Variants in ZNF197 observed in about 807,000 individuals in gnomAD.
The protein encoded by ZNF197 is VHL-associated KRAB-A domain-containing protein.
A neutral mutation model predicts 27.4 loss-of-function variants in ZNF197; 14 were observed. The observed-to-expected ratio is 0.51, with a 90% CI of 0.34 to 0.80. The LOEUF is 0.80. Ranked by LOEUF, ZNF197 falls within the 30% of genes least tolerant of loss-of-function variation. ZNF197 has a pLI of 0.02. For synonymous variants in ZNF197, 415 were observed against 420.0 expected, an observed-to-expected ratio of 0.99 and a Z score of 0.15; for missense variants, 1,090 against 1,222.6, an observed-to-expected ratio of 0.89 and a Z score of 1.62.
rs1701965826 is a variant in ZNF197, at chr3:44,631,132, C to T, written c.461C>T (p.Pro154Leu). The change falls in exon 3 of 6, where the codon CCT (proline) becomes CTT (leucine). Residue 154 changes from proline to leucine, a missense_variant. Coordinates refer to ENST00000344387, the MANE Select transcript of ZNF197 (RefSeq NM_006991.5). ...VVSAPGTTLP[P>L]VLPGSHIAAE... ...AGTGCCCCAGGAACAACACTTCCTCCTGTACTTCCTGGCAGCCACATAGCA... is the reference window on the plus strand; with the variant it reads ...AGTGCCCCAGGAACAACACTTCCTCTTGTACTTCCTGGCAGCCACATAGCA... 1 of 1,614,052 alleles carries T rather than the reference C, an allele frequency of 6.2e-7. No homozygotes were observed. The highest frequency in any genetic ancestry group is 1.1e-5 in the South Asian group (1 of 91,084).
rs1333135483 is a variant in ZNF197 at position 44,647,123 on chromosome 3, C to T, written c.*2903C>T. Reference sequence around the variant, plus strand: ...TATGTAAACTACATAAAGAACTTTCCAAATTTAACAGTAATAAGTAAATAC... The same window carrying T: ...TATGTAAACTACATAAAGAACTTTCTAAATTTAACAGTAATAAGTAAATAC... On this transcript the variant is annotated 3_prime_UTR_variant, in exon 6 of 6. Transcript: ENST00000344387. 1 of 151,978 alleles carries T rather than the reference C, an allele frequency of 6.6e-6. No individual in the cohort carries two copies. Among genetic ancestry groups the T allele is most frequent in the African/African-American group, 2.4e-5 (1 of 41,340 alleles). The allele number at this position is 151,978 out of a possible 1,614,324, so 9.4% of individuals were successfully genotyped here.
chr3:44,632,341 T>A (rs1378175749), intron 4 of ZNF197, 132 bp from the exon 5 acceptor site: 3 of 1,472,966 alleles, frequency 2.0e-6, no homozygotes. Flanking sequence ...TTACATGTGA[T>A]CTCCTTATGT....
At position 44,645,689 on chromosome 3, in the gene ZNF197, A is replaced by G. The variant is rs974829458; in HGVS notation, c.*1469A>G. ...ACAGTCATTGTGAATTCTAATCAAT[A>G]TTTCATCATTGCTGTCAAATGATAG... is the stretch of plus-strand genomic sequence containing the variant. On this transcript the variant is annotated 3_prime_UTR_variant, in exon 6 of 6. Transcript: ENST00000344387. The G allele has an allele frequency of 1.5e-5, 15 of 985,298 alleles. No homozygotes were observed. The African/African-American group carries it at 2.3e-4, about 15-fold the overall frequency. The allele number at this position is 985,298 out of a possible 1,614,324, so 61.0% of individuals were successfully genotyped here.
At chr3:44,630,092 C>G (rs1701897441) in intron 2 of ZNF197, among the ~76,000 whole-genome samples, 1 of 152,126 alleles carries the variant, frequency 6.6e-6, no homozygotes, top group Non-Finnish European at 1.5e-5. Context: ...TGGCGAGTGC[C>G]TATAGTCCCA....
rs771701024 is a variant in ZNF197 at position 44,643,862 on chromosome 3, T to A, written c.2732T>A (p.Phe911Tyr). 1 of 1,613,490 alleles carries A rather than the reference T, an allele frequency of 6.2e-7. No individual in the cohort carries two copies. The highest frequency in any genetic ancestry group is 1.7e-5 in the Admixed American group (1 of 59,882). ...AAATGTAATGAGTGTGGAAAAGACT[T>A]TAGTCAGAATAAAAACCTTGTTGTA... ...PYKCNECGKDFSQNKNLVVHQ... is the reference protein window; with the variant it reads ...PYKCNECGKDYSQNKNLVVHQ... The change falls in exon 6 of 6, where the codon TTT (phenylalanine) becomes TAT (tyrosine). Residue 911 changes from phenylalanine to tyrosine, a missense_variant. By Grantham distance (22) the Phe-to-Tyr change is conservative. Transcript: ENST00000344387.
chr3:44,630,941 C>T, intron 2 of ZNF197, 121 bp from the exon 3 acceptor site: 1 of 1,340,722 alleles, frequency 7.5e-7, no homozygotes, highest in Non-Finnish European at 1.1e-6. Flanking sequence ...ATGCTCCATA[C>T]TTGAGGTGGG....
At chr3:44,625,408 C>T (rs1312078287) in intron 1 of ZNF197, among the ~76,000 whole-genome samples, 1 of 152,208 alleles carries the variant, frequency 6.6e-6, no homozygotes, top group Non-Finnish European at 1.5e-5. Context: ...TCTGCTGGCG[C>T]TTTGAGAAGA....
chr3:44,635,369 C>T (rs1702228186), intron 5 of ZNF197, among the ~76,000 whole-genome samples: 1 of 152,008 alleles, frequency 6.6e-6, no homozygotes, highest in Admixed American at 6.6e-5. Flanking sequence ...AGAAATGGTT[C>T]AGAAAGAGGA....
In ZNF197 at chr3:44,643,232, A is replaced by G. The variant is rs755704541; in HGVS notation, c.2102A>G (p.Asn701Ser). 1.9e-6 allele frequency: 3 copies of G among 1,614,062 alleles called. No homozygotes were observed. The highest frequency in any genetic ancestry group is 2.5e-6 in the Non-Finnish European group (3 of 1,180,012). ...RNLIDHERLH[N>S]GEKPYECREC... ...CTCATTGACCATGAGAGACTCCACA[A>G]TGGGGAGAAGCCATATGAATGTCGA... is the stretch of plus-strand genomic sequence containing the variant. Residue 701 changes from asparagine (N) to serine (S), a missense_variant, in exon 6 of 6, where the codon AAT becomes AGT. By Grantham distance (46) the Asn-to-Ser change is conservative (BLOSUM62 1). Coordinates refer to ENST00000344387, the MANE Select transcript of ZNF197 (RefSeq NM_006991.5).
chr3:44,628,670 C>A (rs991313580), intron 1 of ZNF197, among the ~76,000 whole-genome samples: 1 of 152,220 alleles, frequency 6.6e-6, no homozygotes, highest in Non-Finnish European at 1.5e-5. Context: ...ATCAAATTCT[C>A]ATGACAACCC....
rs1289820006 is a variant in ZNF197, at chr3:44,644,896, A to G, written c.*676A>G. ...TTATTAATAAAACTAAAAATTTAATAATAAAAAGTGGACATTGTTTTTTAA... is the reference window on the plus strand; with the variant it reads ...TTATTAATAAAACTAAAAATTTAATGATAAAAAGTGGACATTGTTTTTTAA... On this transcript the variant is annotated 3_prime_UTR_variant, in exon 6 of 6. Coordinates refer to ENST00000344387, the MANE Select transcript of ZNF197 (RefSeq NM_006991.5). The G allele has an allele frequency of 2.0e-6, 2 of 976,518 alleles. No individual in the cohort carries two copies. Among genetic ancestry groups the G allele is most frequent in the Non-Finnish European group, 2.4e-6 (2 of 821,990 alleles). 60.5% of individuals were successfully genotyped at this position (976,518 alleles called of 1,614,324 possible).
In ZNF197 at chr3:44,644,571, G is replaced by A. The variant is rs563473312; in HGVS notation, c.*351G>A. ...GAGAGTCGCTTGAACCTGGGAGGGC[G>A]GAGGTTGCAGTGAGCCAGGATCGCG... On this transcript the variant is annotated 3_prime_UTR_variant, in exon 6 of 6. Transcript: ENST00000344387. 74 of 952,008 alleles carry A rather than the reference G, an allele frequency of 7.8e-5. No individual in the cohort carries two copies. The Admixed American group carries it at 1.6e-3, about 20-fold the overall frequency. The allele number at this position is 952,008 out of a possible 1,614,324, so 59.0% of individuals were successfully genotyped here. A position where few individuals can be genotyped will look rare whatever the true frequency, so the allele number is the denominator to read the frequency against.
Position 44,644,316 on chromosome 3 carries a change from C to G in ZNF197, c.*96C>G. ...CTAAGGAAAAAGTTTATTATTTACTCTTTACTAGACAAATGAGTAGCATAT... is the reference window on the plus strand; with the variant it reads ...CTAAGGAAAAAGTTTATTATTTACTGTTTACTAGACAAATGAGTAGCATAT... On this transcript the variant is annotated 3_prime_UTR_variant, in exon 6 of 6. Coordinates refer to ENST00000344387, the MANE Select transcript of ZNF197 (RefSeq NM_006991.5). 6.8e-7 allele frequency: 1 copy of G among 1,465,972 alleles called. No homozygotes were observed. Among genetic ancestry groups the G allele is most frequent in the South Asian group, 1.5e-5 (1 of 67,186 alleles). 90.8% of individuals were successfully genotyped at this position (1,465,972 alleles called of 1,614,324 possible).
intron 5 of ZNF197, among the ~76,000 whole-genome samples, chr3:44,633,200 G>A (rs1702107169): frequency 1.3e-5 from 2 of 152,002 alleles, no homozygotes; most frequent in Admixed American, 1.3e-4. Context: ...CTAAATTGTT[G>A]CTAATATATT....
intron 2 of ZNF197, 186 bp from the exon 3 acceptor site, chr3:44,630,876 G>A (rs1701949751): frequency 1.3e-6 from 1 of 790,462 alleles, no homozygotes; most frequent in Non-Finnish European, 2.1e-6. Context: ...AGTGCCATGA[G>A]TGGGGCTCGA....
At chr3:44,630,476 A>C (rs1417298215) in intron 2 of ZNF197, among the ~76,000 whole-genome samples, 1 of 152,114 alleles carries the variant, frequency 6.6e-6, no homozygotes, top group Admixed American at 6.5e-5. Flanking sequence ...CATAACTCAA[A>C]CTTGGGTGTG....
In ZNF197 at chr3:44,640,046, G is replaced by A. The variant is rs936236004; in HGVS notation, c.770-1854G>A. On this transcript the variant is annotated intron_variant, in intron 5 of 5. Coordinates refer to ENST00000344387, the MANE Select transcript of ZNF197 (RefSeq NM_006991.5). The surrounding 1 kb of genome is among the most constrained non-coding windows in gnomAD (Gnocchi z 4.0). Reference sequence around the variant, plus strand: ...GCATGGATTAGGGCAGATGAAAGGCGGGGGGTGTCAGTGGTAGGAAAGCCT... The same window carrying A: ...GCATGGATTAGGGCAGATGAAAGGCAGGGGGTGTCAGTGGTAGGAAAGCCT... 2.0e-5 allele frequency among the ~76,000 whole-genome samples: 3 copies of A among 152,116 alleles called. No homozygotes were observed. The highest frequency in any genetic ancestry group is 3.2e-3 in the Middle Eastern group (1 of 316).
Position 44,643,526 on chromosome 3 carries a change from T to G in ZNF197, c.2396T>G (p.Phe799Cys). ...PYECDECGKC[F>C]ILKKSLIGHQ... ...GAGTGTGATGAGTGTGGCAAATGCT[T>G]CATTCTGAAGAAAAGCCTCATTGGA... is the stretch of plus-strand genomic sequence containing the variant. Residue 799 changes from phenylalanine to cysteine, a missense_variant, in exon 6 of 6, where the codon TTC becomes TGC. By Grantham distance (205) the Phe-to-Cys change is radical (BLOSUM62 -2). Transcript: ENST00000344387. 2 of 1,614,150 alleles carry G rather than the reference T, an allele frequency of 1.2e-6. No homozygotes were observed. The highest frequency in any genetic ancestry group is 1.7e-6 in the Non-Finnish European group (2 of 1,180,026).
At chr3:44,626,824 C>G (rs1701695633) in intron 1 of ZNF197, among the ~76,000 whole-genome samples, 1 of 152,128 alleles carries the variant, frequency 6.6e-6, no homozygotes, top group Non-Finnish European at 1.5e-5. Context: ...AATTCTGATT[C>G]AAGGAATTTT....
Sources: allele counts gnomAD v4.1 joint callset (sites outside exome capture counted in the v4.1 genomes callset), GRCh38; gene constraint gnomAD v4.1.1; non-coding constraint Gnocchi (gnomAD v3.1); transcripts MANE v1.5; gene names NCBI Gene and HGNC (gene_info 2026-07-23, HGNC 2026-07-21).